The following B3GALT1 variants were observed in gnomAD, a reference collection of about 807,000 sequenced individuals.
B3GALT1 encodes beta-1,3-galactosyltransferase 1.
B3GALT1 carries 10 observed loss-of-function variants against 23.2 expected under a neutral mutation model. That is an observed-to-expected ratio of 0.43 (90% CI 0.27 to 0.73). The LOEUF (loss-of-function observed/expected upper bound fraction) is 0.73, where lower values mean the gene tolerates loss of function less well. Ranked by LOEUF, B3GALT1 falls within the 30% of genes least tolerant of loss-of-function variation. The probability of loss-of-function intolerance (pLI) is 0.21; values close to 1 mark genes in which losing one functional copy is unlikely to be tolerated. For missense variants in B3GALT1, 299 were observed against 405.4 expected (o/e 0.74, Z 2.25); for synonymous variants, 156 against 141.5 (o/e 1.10, Z -0.73).
intron 2 of B3GALT1, among the ~76,000 whole-genome samples, chr2:167,538,191 G>T (rs946011484): frequency 6.6e-6 from 1 of 152,006 alleles, no homozygotes; most frequent in African/African-American, 2.4e-5. Flanking sequence ...TCTGATTCAC[G>T]TCATATTAAC....
At chr2:167,330,510 T>A (rs1303255917) in intron 1 of B3GALT1, among the ~76,000 whole-genome samples, 1 of 152,162 alleles carries the variant, frequency 6.6e-6, no homozygotes, top group East Asian at 1.9e-4. Flanking sequence ...CTTGGGTGGC[T>A]GAGGTGGGAG....
intron 1 of B3GALT1, among the ~76,000 whole-genome samples, chr2:167,467,711 G>GA (rs1321317996): frequency 3.3e-5 from 5 of 152,014 alleles, no homozygotes; most frequent in Non-Finnish European, 7.4e-5. Flanking sequence ...CCATTCCTAG[G>GA]AAAAAATCAA....
intron 3 of B3GALT1, among the ~76,000 whole-genome samples, chr2:167,755,285 G>A (rs971257860): frequency 6.6e-6 from 1 of 151,926 alleles, no homozygotes; most frequent in South Asian, 2.1e-4. Context: ...CACTGAAGGA[G>A]AGGAGGAGAG....
chr2:167,559,896 G>C (rs894880941), intron 2 of B3GALT1, among the ~76,000 whole-genome samples: 1 of 152,168 alleles, frequency 6.6e-6, no homozygotes, highest in Admixed American at 6.6e-5. Flanking sequence ...ATGTTATCCA[G>C]GAGAACTTCC....
At chr2:167,806,657 G>T (rs1198204252) in intron 3 of B3GALT1, among the ~76,000 whole-genome samples, 1 of 152,192 alleles carries the variant, frequency 6.6e-6, no homozygotes, top group Non-Finnish European at 1.5e-5. Context: ...TGCATCCCAG[G>T]GATGAAACCC....
chr2:167,435,960 C>T (rs1698777828), intron 1 of B3GALT1, among the ~76,000 whole-genome samples: 1 of 133,468 alleles, frequency 7.5e-6, no homozygotes, highest in Admixed American at 6.9e-5. Flanking sequence ...CACAAACACA[C>T]ACACACACAC....
rs1178762959 is a variant in B3GALT1 at position 167,395,302 on chromosome 2, A to G, written c.-510-94875A>G. Among the ~76,000 whole-genome samples, 10 of 152,146 alleles carry G rather than the reference A, an allele frequency of 6.6e-5. 1 individual carries two copies. The highest frequency in any genetic ancestry group is 1.9e-4 in the African/African-American group (8 of 41,448). On this transcript the variant is annotated intron_variant, in intron 1 of 4. Coordinates refer to ENST00000392690, the MANE Select transcript of B3GALT1 (RefSeq NM_020981.4). ...GATCAAGTTAAGGAACTTGAGATGTAGAGATTACCCTGGATTGTCTGGGTG... is the reference window on the plus strand; with the variant it reads ...GATCAAGTTAAGGAACTTGAGATGTGGAGATTACCCTGGATTGTCTGGGTG...
Position 167,620,763 on chromosome 2 carries a change from T to G in B3GALT1, c.-409-26146T>G, listed in dbSNP as rs1399884029. On this transcript the variant is annotated intron_variant, in intron 2 of 4. Transcript: ENST00000392690. ...TTTTATGGACCATTTAGTGCCATGT[T>G]TTCAAAACTTTTAGTTAGATGTGGG... Among the ~76,000 whole-genome samples, 4 of 152,234 alleles carry G rather than the reference T, an allele frequency of 2.6e-5. No individual in the cohort carries two copies. In the East Asian group the frequency reaches 7.8e-4, roughly 30 times the overall value.
At chr2:167,448,743 T>G (rs941550893) in intron 1 of B3GALT1, among the ~76,000 whole-genome samples, 3 of 152,224 alleles carry the variant, frequency 2.0e-5, no homozygotes, top group African/African-American at 7.2e-5. Context: ...GGTCTTAGAT[T>G]TAAGTCCTTC....
intron 1 of B3GALT1, among the ~76,000 whole-genome samples, chr2:167,457,711 G>A (rs1158851047): frequency 6.6e-6 from 1 of 152,068 alleles, no homozygotes; most frequent in Non-Finnish European, 1.5e-5. Context: ...CATCTTGACT[G>A]AATCACTGGG....
rs112471384 is a variant in B3GALT1 at position 167,359,575 on chromosome 2, C to T, written c.-511+66241C>T. Reference sequence around the variant, plus strand: ...AGAACATCACAGTACTACCTATGGGCAGCAGCTAAGCTGCCCTATGTCAAC... The same window carrying T: ...AGAACATCACAGTACTACCTATGGGTAGCAGCTAAGCTGCCCTATGTCAAC... On this transcript the variant is annotated intron_variant, in intron 1 of 4. Transcript: ENST00000392690. Among the ~76,000 whole-genome samples the T allele has an allele frequency of 7.4e-3, 1,130 of 152,316 alleles. 11 individuals carry two copies. Among genetic ancestry groups the T allele is most frequent in the African/African-American group, 0.026 (1,078 of 41,576 alleles).
chr2:167,410,676 C>T (rs146102130), intron 1 of B3GALT1, among the ~76,000 whole-genome samples: 58 of 152,078 alleles, frequency 3.8e-4, no homozygotes, highest in African/African-American at 1.3e-3. Context: ...GTGCAGCAAA[C>T]CACCATGGCA....
chr2:167,771,806 T>C (rs577227083), intron 3 of B3GALT1, among the ~76,000 whole-genome samples: 4 of 152,204 alleles, frequency 2.6e-5, no homozygotes, highest in East Asian at 1.9e-4. Context: ...AGGGGCCAGG[T>C]TGGGATGGGG....
At chr2:167,674,037 TTAA>T (rs1686381132) in intron 3 of B3GALT1, among the ~76,000 whole-genome samples, 1 of 152,172 alleles carries the variant, frequency 6.6e-6, no homozygotes, top group Admixed American at 6.5e-5. Flanking sequence ...AATTGTTATT[TTAA>T]TTAAATACAC....
intron 4 of B3GALT1, among the ~76,000 whole-genome samples, chr2:167,868,020 G>A (rs1369991858): frequency 1.3e-5 from 2 of 152,172 alleles, no homozygotes; most frequent in African/African-American, 4.8e-5. Flanking sequence ...AAAATTAAAA[G>A]GGCCAGTATA....
intron 3 of B3GALT1, chr2:167,715,833 G>T (rs1687133653): frequency 3.7e-6 from 6 of 1,613,754 alleles, no homozygotes; most frequent in Non-Finnish European, 5.1e-6. Context: ...ATTTCACCAA[G>T]TTTTTTTCTC....
intron 1 of B3GALT1, among the ~76,000 whole-genome samples, chr2:167,405,148 CATA>C (rs1473289976): frequency 2.6e-5 from 4 of 152,070 alleles, no homozygotes; most frequent in African/African-American, 9.7e-5. Context: ...ATAGTTTTTA[CATA>C]ATAAGAATTC....
At chr2:167,744,912 A>G (rs994640814) in intron 3 of B3GALT1, among the ~76,000 whole-genome samples, 5 of 152,144 alleles carry the variant, frequency 3.3e-5, no homozygotes, top group African/African-American at 1.2e-4. Context: ...TACACAGTAA[A>G]TGTCTTGTTT....
intron 1 of B3GALT1, among the ~76,000 whole-genome samples, chr2:167,482,051 T>C (rs1231855042): frequency 6.6e-6 from 1 of 152,224 alleles, no homozygotes; most frequent in Non-Finnish European, 1.5e-5. Context: ...AAGATACAGT[T>C]AGCTGTAGAA....
Sources: gnomAD v4.1 joint callset for allele counts (sites outside exome capture counted in the v4.1 genomes callset) on GRCh38, gnomAD v4.1.1 for gene constraint, MANE v1.5 for transcripts, NCBI Gene and HGNC (gene_info 2026-07-23, HGNC 2026-07-21) for gene names.